Variants in BRAF observed in about 807,000 individuals in gnomAD.
The protein encoded by BRAF is B-Raf proto-oncogene, serine/threonine kinase.
In BRAF, 16 loss-of-function variants were observed where a neutral mutation model predicts 104.6. The ratio of observed to expected loss-of-function variants is 0.15; its 90% CI spans 0.10 to 0.23. The LOEUF (loss-of-function observed/expected upper bound fraction) is 0.23, where lower values mean the gene tolerates loss of function less well. Ranked by LOEUF, BRAF falls within the 10% of genes least tolerant of loss-of-function variation. The pLI, the probability that BRAF is intolerant of heterozygous loss-of-function variation, is 1.00. For synonymous variants in BRAF, 310 were observed against 341.6 expected (o/e 0.91, Z 1.02); for missense variants, 541 against 937.3 (o/e 0.58, Z 5.52).
chr7:140,772,458 C>T (rs144087076), intron 14 of BRAF, among the ~76,000 whole-genome samples: 38 of 152,010 alleles, frequency 2.5e-4, no homozygotes, highest in Non-Finnish European at 4.4e-4. Context: ...TCTGTCTCTA[C>T]AAAAAATACA....
At chr7:140,854,570 A>G (rs762855308) in intron 1 of BRAF, among the ~76,000 whole-genome samples, 9 of 152,092 alleles carry the variant, frequency 5.9e-5, no homozygotes, top group Non-Finnish European at 1.0e-4. Context: ...TGGGAGAGAG[A>G]AAGTGGGGGA....
At chr7:140,747,573 G>T in intron 17 of BRAF, 1 of 317,688 alleles carries the variant, frequency 3.1e-6, no homozygotes, top group Non-Finnish European at 5.8e-6. Context: ...ACTGACAAAT[G>T]AATTTCATCC....
At chr7:140,815,387 C>T (rs757175205) in intron 3 of BRAF, among the ~76,000 whole-genome samples, 10 of 150,686 alleles carry the variant, frequency 6.6e-5, no homozygotes, top group Admixed American at 1.3e-4. Context: ...CCTCATGATT[C>T]GCCCGCCTCA....
Position 140,834,775 on chromosome 7 carries a change from C to A in BRAF, c.338G>T (p.Ser113Ile). 6.2e-7 allele frequency: 1 copy of A among 1,614,146 alleles called. No homozygotes were observed. Residue 113 changes from serine (S) to isoleucine (I), a missense_variant, in exon 3 of 20, where the codon AGC becomes ATC. Ser to Ile is a moderately radical substitution (Grantham distance 142, BLOSUM62 -2). Coordinates refer to ENST00000644969, the MANE Select transcript of BRAF (RefSeq NM_001374258.1). ...TGTAACGGTATCCATTGATGCAGAG[C>A]TAGAAACAGAAAAATCAGTTCCGTT... ...LGNGTDFSVS[S>I]SASMDTVTSS...
intron 3 of BRAF, among the ~76,000 whole-genome samples, chr7:140,810,737 G>GT (rs1562970947): frequency 6.6e-6 from 1 of 152,154 alleles, no homozygotes; most frequent in African/African-American, 2.4e-5. Flanking sequence ...AAATTTATTT[G>GT]TAACTCTAAA....
In BRAF at chr7:140,726,057, A is replaced by G; in HGVS notation, c.*437T>C. 1.9e-6 allele frequency: 2 copies of G among 1,075,206 alleles called. No homozygotes were observed. Among genetic ancestry groups the G allele is most frequent in the Non-Finnish European group, 2.3e-6 (2 of 886,130 alleles). The allele number at this position is 1,075,206 out of a possible 1,614,324, so 66.6% of individuals were successfully genotyped here. A position where few individuals can be genotyped will look rare whatever the true frequency, so the allele number is the denominator to read the frequency against. On this transcript the variant is annotated 3_prime_UTR_variant, in exon 20 of 20. Transcript: ENST00000644969. ...TCCAAAACAAAATTCCAGAACAGGA[A>G]AGAGAACGATGCTTGGTGATTGAAA...
At chr7:140,773,444 T>A (rs1800035087) in intron 14 of BRAF, 2 of 152,166 alleles carry the variant, frequency 1.3e-5, no homozygotes, top group African/African-American at 4.8e-5. Context: ...TGCTAGCATG[T>A]CAGGAATCAA....
chr7:140,787,960 A>G (rs566895974), intron 8 of BRAF, among the ~76,000 whole-genome samples: 2 of 152,262 alleles, frequency 1.3e-5, no homozygotes, highest in South Asian at 4.1e-4. Context: ...CATGGGGGAA[A>G]CAACACATAC....
intron 1 of BRAF, among the ~76,000 whole-genome samples, chr7:140,910,620 C>CTGGGGTA (rs1816858336): frequency 2.0e-5 from 3 of 152,160 alleles, no homozygotes. Flanking sequence ...AGTTCTCAGA[C>CTGGGGTA]CAGTCCTTGA....
intron 8 of BRAF, among the ~76,000 whole-genome samples, chr7:140,790,926 G>A (rs918194646): frequency 2.0e-5 from 3 of 152,038 alleles, no homozygotes; most frequent in Admixed American, 2.0e-4. Context: ...GGCCAACATG[G>A]CAAAACCCTA....
intron 14 of BRAF, among the ~76,000 whole-genome samples, chr7:140,768,622 T>A (rs1200857009): frequency 6.6e-6 from 1 of 151,836 alleles, no homozygotes; most frequent in Non-Finnish European, 1.5e-5. Context: ...GCCTCCAGAG[T>A]ATCTGGGGCT....
intron 3 of BRAF, among the ~76,000 whole-genome samples, chr7:140,810,906 T>C (rs1461879883): frequency 6.6e-6 from 1 of 152,168 alleles, no homozygotes; most frequent in Non-Finnish European, 1.5e-5. Flanking sequence ...GCAGAGCCTA[T>C]TTGGTGCCAC....
chr7:140,915,989 C>CA (rs1286854355), intron 1 of BRAF, among the ~76,000 whole-genome samples: 1 of 147,512 alleles, frequency 6.8e-6, no homozygotes, highest in African/African-American at 2.6e-5. Flanking sequence ...AACAAACAAA[C>CA]AAACAAACAA....
intron 1 of BRAF, among the ~76,000 whole-genome samples, chr7:140,918,116 A>G (rs1817817340): frequency 6.6e-6 from 1 of 152,208 alleles, no homozygotes; most frequent in Non-Finnish European, 1.5e-5. Context: ...TCTTCCATAC[A>G]TAGTAGCTCT....
At chr7:140,828,206 C>T (rs901310104) in intron 3 of BRAF, among the ~76,000 whole-genome samples, 4 of 152,074 alleles carry the variant, frequency 2.6e-5, no homozygotes, top group African/African-American at 4.8e-5. Context: ...ATTTGTATTT[C>T]GTGTGATTTT....
rs189896094 is a variant in BRAF, at chr7:140,786,589, T to C, written c.1178-781A>G. Reference sequence around the variant, plus strand: ...CTTATGTGCTAGAGTGAATACTAGATGAAAATTCAGTTGGAAATCTCAATT... The same window carrying C: ...CTTATGTGCTAGAGTGAATACTAGACGAAAATTCAGTTGGAAATCTCAATT... On this transcript the variant is annotated intron_variant, in intron 9 of 19. Transcript: ENST00000644969. Among the ~76,000 whole-genome samples the C allele has an allele frequency of 1.1e-3, 174 of 152,324 alleles. No homozygotes were observed. Among genetic ancestry groups the C allele is most frequent in the African/African-American group, 3.3e-3 (137 of 41,586 alleles).
At chr7:140,717,554 A>G (rs1795159083), downstream of BRAF, among the ~76,000 whole-genome samples, 1 of 152,194 alleles carries the variant, frequency 6.6e-6, no homozygotes, top group East Asian at 1.9e-4. Context: ...ACTCAGTGTT[A>G]AGAACACTTT....
rs746084400 is a variant in BRAF, at chr7:140,794,431, G to A, written c.1017C>T (p.Ser339=). ...GTCGGAAGGGCTGTGGAATTGGAAT[G>A]GATTTTGAAGGAGACGGACTGGTGA... ...QILTSPSPSK[S]IPIPQPFRPA... The change falls in exon 8 of 20, where the codon TCC becomes TCT. Residue 339 remains serine (S), a synonymous_variant. Coordinates refer to ENST00000644969, the MANE Select transcript of BRAF (RefSeq NM_001374258.1). 1.9e-6 allele frequency: 3 copies of A among 1,613,988 alleles called. No individual in the cohort carries two copies. The highest frequency in any genetic ancestry group is 2.5e-6 in the Non-Finnish European group (3 of 1,179,984).
At chr7:140,882,995 A>AAAAAT (rs957715331) in intron 1 of BRAF, among the ~76,000 whole-genome samples, 4 of 150,770 alleles carry the variant, frequency 2.7e-5, no homozygotes, top group South Asian at 4.2e-4. Context: ...CTCCATCTCA[A>AAAAAT]AAAATAAAAT....
Sources: allele counts gnomAD v4.1 joint callset (sites outside exome capture counted in the v4.1 genomes callset), GRCh38; gene constraint gnomAD v4.1.1; transcripts MANE v1.5; gene names NCBI Gene and HGNC (gene_info 2026-07-23, HGNC 2026-07-21).